The following TMTC2 variants were observed in gnomAD, a reference collection of about 807,000 sequenced individuals.
TMTC2 encodes transmembrane O-mannosyltransferase targeting cadherins 2.
Under a neutral mutation model 82.4 loss-of-function variants are expected in TMTC2, and 43 were observed. The observed-to-expected ratio is 0.52, with a 90% CI of 0.41 to 0.67. TMTC2 has a LOEUF of 0.67. Ranked by LOEUF, TMTC2 falls within the 30% of genes least tolerant of loss-of-function variation. The pLI is 0.00. For synonymous variants in TMTC2, 408 were observed against 381.9 expected (o/e 1.07, Z -0.80); for missense variants, 919 against 1,012.4 (o/e 0.91, Z 1.25).
At chr12:82,883,575 A>G (rs1872943836) in intron 2 of TMTC2, among the ~76,000 whole-genome samples, 1 of 152,192 alleles carries the variant, frequency 6.6e-6, no homozygotes, top group South Asian at 2.1e-4. Context: ...CTGGGCTCAC[A>G]TGCTTAACTC....
intron 1 of TMTC2, among the ~76,000 whole-genome samples, chr12:82,695,963 C>T (rs897548334): frequency 6.6e-6 from 1 of 152,142 alleles, no homozygotes; most frequent in African/African-American, 2.4e-5. Flanking sequence ...AGGCCTGTTG[C>T]CTTCAGTTGT....
intron 8 of TMTC2, among the ~76,000 whole-genome samples, chr12:82,995,947 G>T (rs1227192219): frequency 6.6e-6 from 1 of 152,124 alleles, no homozygotes; most frequent in Admixed American, 6.6e-5. Flanking sequence ...CTTTAAAATT[G>T]CTCTTTAGCT....
intron 1 of TMTC2, among the ~76,000 whole-genome samples, chr12:82,715,161 T>C (rs11615763): frequency 0.1 from 15,564 of 151,724 alleles, 927 homozygotes; most frequent in East Asian, 0.24. Context: ...ATCCCAGCTA[T>C]TCAGGAGGCT....
intron 1 of TMTC2, among the ~76,000 whole-genome samples, chr12:82,755,893 TA>T (rs1280418362): frequency 6.6e-6 from 1 of 151,974 alleles, no homozygotes; most frequent in East Asian, 1.9e-4. Context: ...TTTATCATAA[TA>T]AAAATAGAAA....
chr12:83,102,931 C>T (rs752948621), intron 11 of TMTC2, among the ~76,000 whole-genome samples: 1 of 152,152 alleles, frequency 6.6e-6, no homozygotes, highest in Non-Finnish European at 1.5e-5. Context: ...ATAATTACTT[C>T]TGTCAGTACG....
chr12:82,929,237 T>G (rs1368529080), intron 3 of TMTC2, among the ~76,000 whole-genome samples: 1 of 151,928 alleles, frequency 6.6e-6, no homozygotes, highest in African/African-American at 2.4e-5. Context: ...ATTTTTTTGT[T>G]GAGACGAGGT....
intron 1 of TMTC2, among the ~76,000 whole-genome samples, chr12:82,708,838 C>T (rs1023472203): frequency 5.9e-5 from 9 of 152,200 alleles, no homozygotes; most frequent in African/African-American, 1.9e-4. Flanking sequence ...TGCTTGACCT[C>T]CCCATGGGTA....
intron 8 of TMTC2, among the ~76,000 whole-genome samples, chr12:83,015,118 T>C (rs1380553440): frequency 2.0e-5 from 3 of 152,324 alleles, no homozygotes; most frequent in South Asian, 4.1e-4. Context: ...TGTTTTAAAA[T>C]AGAAATTACT....
chr12:82,688,861 T>A (rs1229373646), intron 1 of TMTC2, among the ~76,000 whole-genome samples: 1 of 152,170 alleles, frequency 6.6e-6, no homozygotes. Flanking sequence ...CTCGTCGTAA[T>A]TAGCCACATT....
rs148931040 is a variant in TMTC2, at chr12:82,965,861, C to T, written c.1869+117C>T. 1.2e-4 allele frequency: 127 copies of T among 1,040,396 alleles called. 1 individual carries two copies. The Middle Eastern group carries it at 0.011, about 88-fold the overall frequency. The allele number at this position is 1,040,396 out of a possible 1,614,324, so 64.4% of individuals were successfully genotyped here. A position where few individuals can be genotyped will look rare whatever the true frequency, so the allele number is the denominator to read the frequency against. On this transcript the variant is annotated intron_variant, in intron 6 of 11. Coordinates refer to ENST00000321196, the MANE Select transcript of TMTC2 (RefSeq NM_152588.3). ...CCTTTGAACAACTAATATGTATACA[C>T]GTTAAACTATTGTCCTTTGAGAAAC...
chr12:82,730,459 G>C (rs1268274976), intron 1 of TMTC2, among the ~76,000 whole-genome samples: 5 of 152,146 alleles, frequency 3.3e-5, no homozygotes, highest in Non-Finnish European at 7.4e-5. Flanking sequence ...CTAGTTATCA[G>C]TATGTGCCCT....
chr12:82,776,268 G>T (rs1407967782), intron 1 of TMTC2, among the ~76,000 whole-genome samples: 1 of 152,098 alleles, frequency 6.6e-6, no homozygotes, highest in East Asian at 1.9e-4. Flanking sequence ...GAGAGGAAAA[G>T]GCCAACCTAG....
At chr12:82,772,521 C>T (rs954041122) in intron 1 of TMTC2, among the ~76,000 whole-genome samples, 1 of 152,116 alleles carries the variant, frequency 6.6e-6, no homozygotes, top group Admixed American at 6.5e-5. Context: ...TAGTGGCTAC[C>T]AGTTTGGAAA....
At chr12:82,771,820 G>A (rs1877328401) in intron 1 of TMTC2, among the ~76,000 whole-genome samples, 2 of 151,960 alleles carry the variant, frequency 1.3e-5, no homozygotes, top group African/African-American at 2.4e-5. Flanking sequence ...AGGGGAAGTA[G>A]GTAGGAAAGG....
intron 1 of TMTC2, among the ~76,000 whole-genome samples, chr12:82,753,326 CTTTT>C (rs541318020): frequency 7.7e-6 from 1 of 129,540 alleles, no homozygotes; most frequent in Non-Finnish European, 1.7e-5. Flanking sequence ...AACATAATGG[CTTTT>C]TTTTTTTTTT....
intron 7 of TMTC2, among the ~76,000 whole-genome samples, chr12:82,982,407 C>T (rs948275612): frequency 3.3e-5 from 5 of 149,430 alleles, no homozygotes; most frequent in Non-Finnish European, 7.4e-5. Context: ...TATTGAGTTA[C>T]CTTTTTTTAA....
intron 1 of TMTC2, among the ~76,000 whole-genome samples, chr12:82,801,893 T>C (rs1358636990): frequency 2.0e-5 from 3 of 152,128 alleles, no homozygotes; most frequent in Non-Finnish European, 4.4e-5. Context: ...TACAGAGTGC[T>C]GATTGGTGCA....
rs1308230190 is a variant in TMTC2 at position 83,134,747 on chromosome 12, T to C, written c.*2358T>C. 2 of 152,228 alleles carry C rather than the reference T, an allele frequency of 1.3e-5. No individual in the cohort carries two copies. The highest frequency in any genetic ancestry group is 4.8e-5 in the African/African-American group (2 of 41,474). 9.4% of individuals were successfully genotyped at this position (152,228 alleles called of 1,614,324 possible). ...GTTTACTAAATTAAAATTTTATTTT[T>C]TGAGAAACTGTTATTTGTATAAATT... is the stretch of plus-strand genomic sequence containing the variant. On this transcript the variant is annotated 3_prime_UTR_variant, in exon 12 of 12. Transcript: ENST00000321196.
chr12:82,970,019 G>C (rs1053549338), intron 7 of TMTC2, among the ~76,000 whole-genome samples: 2 of 152,202 alleles, frequency 1.3e-5, no homozygotes, highest in Admixed American at 6.5e-5. Flanking sequence ...CTCCTAGCCA[G>C]TTGTGTGACT....
Sources: allele counts gnomAD v4.1 joint callset (sites outside exome capture counted in the v4.1 genomes callset), GRCh38; gene constraint gnomAD v4.1.1; transcripts MANE v1.5; gene names NCBI Gene and HGNC (gene_info 2026-07-23, HGNC 2026-07-21).